Variants in PXDNL observed in about 807,000 individuals in gnomAD.
PXDNL encodes the protein peroxidasin like, also known as probable oxidoreductase PXDNL.
In PXDNL, 145 loss-of-function variants were observed where a neutral mutation model predicts 150.8. The ratio of observed to expected loss-of-function variants is 0.96; its 90% CI spans 0.84 to 1.10. The LOEUF (loss-of-function observed/expected upper bound fraction) is 1.10, where lower values mean the gene tolerates loss of function less well. PXDNL is among the 50% of genes least tolerant of loss of function. PXDNL has a pLI of 0.00. For synonymous variants in PXDNL, 757 were observed against 725.7 expected, an observed-to-expected ratio of 1.04 and a Z score of -0.69; for missense variants, 2,087 against 1,873.9, an observed-to-expected ratio of 1.11 and a Z score of -2.10.
intron 21 of PXDNL, among the ~76,000 whole-genome samples, chr8:51,322,111 G>A (rs1445831051): frequency 6.6e-6 from 1 of 152,140 alleles, no homozygotes; most frequent in Non-Finnish European, 1.5e-5. Flanking sequence ...CAAGGCGTGA[G>A]GCCTTGGAAG....
At chr8:51,578,474 A>C (rs2130619223) in intron 3 of PXDNL, among the ~76,000 whole-genome samples, 1 of 152,106 alleles carries the variant, frequency 6.6e-6, no homozygotes, top group East Asian at 1.9e-4. Context: ...TTAAAAAATT[A>C]AACAGATCTA....
chr8:51,680,681 G>A (rs1407831867), intron 1 of PXDNL, among the ~76,000 whole-genome samples: 3 of 152,138 alleles, frequency 2.0e-5, no homozygotes, highest in African/African-American at 7.2e-5. Context: ...AGTGACCATG[G>A]GTGCCCTGCA....
At chr8:51,645,463 A>T (rs1814897941) in intron 2 of PXDNL, among the ~76,000 whole-genome samples, 1 of 152,216 alleles carries the variant, frequency 6.6e-6, no homozygotes, top group African/African-American at 2.4e-5. Flanking sequence ...TTAGAGGATC[A>T]CACGGCTGCT....
intron 4 of PXDNL, among the ~76,000 whole-genome samples, chr8:51,527,978 G>T (rs1349680922): frequency 6.6e-6 from 1 of 152,098 alleles, no homozygotes; most frequent in Non-Finnish European, 1.5e-5. Context: ...ACCTCAATGT[G>T]CCCCAGTTTC....
intron 4 of PXDNL, among the ~76,000 whole-genome samples, chr8:51,501,381 C>G (rs970759964): frequency 6.6e-6 from 1 of 151,992 alleles, no homozygotes; most frequent in African/African-American, 2.4e-5. Context: ...CACTCTGACA[C>G]ACCTACATGA....
intron 1 of PXDNL, among the ~76,000 whole-genome samples, chr8:51,694,235 TGC>T (rs931253525): frequency 2.0e-5 from 3 of 152,086 alleles, no homozygotes; most frequent in Admixed American, 6.5e-5. Flanking sequence ...GTGGTGTGTG[TGC>T]TTGTAATCCC....
At chr8:51,377,007 G>A (rs1586049093) in intron 17 of PXDNL, among the ~76,000 whole-genome samples, 3 of 151,856 alleles carry the variant, frequency 2.0e-5, no homozygotes, top group Non-Finnish European at 4.4e-5. Flanking sequence ...GTGAGCCACC[G>A]CGCCCAGCCT....
chr8:51,660,537 G>A lies in PXDNL; in HGVS notation c.165-5777C>T, dbSNP rs73678938. On this transcript the variant is annotated intron_variant, in intron 1 of 22. Coordinates refer to ENST00000356297, the MANE Select transcript of PXDNL (RefSeq NM_144651.5). Reference sequence around the variant, plus strand: ...CGTCTTACCAGACTGATTTCTGTTTGCGTGTGGTACTTGTTTGTCTCAAAT... The same window carrying A: ...CGTCTTACCAGACTGATTTCTGTTTACGTGTGGTACTTGTTTGTCTCAAAT... Among the ~76,000 whole-genome samples the A allele has an allele frequency of 2.7e-3, 411 of 152,302 alleles. 2 individuals carry two copies. Among genetic ancestry groups the A allele is most frequent in the African/African-American group, 9.1e-3 (380 of 41,568 alleles).
chr8:51,795,508 A>T (rs1238242949), intron 1 of PXDNL, among the ~76,000 whole-genome samples: 1 of 152,228 alleles, frequency 6.6e-6, no homozygotes, highest in African/African-American at 2.4e-5. Flanking sequence ...AAAACCACAC[A>T]ACTACATGTA....
At chr8:51,565,226 G>A (rs1288385078) in intron 3 of PXDNL, among the ~76,000 whole-genome samples, 4 of 151,208 alleles carry the variant, frequency 2.6e-5, no homozygotes, top group African/African-American at 9.7e-5. Flanking sequence ...AGCTTATTCA[G>A]TGTCCCCAAA....
intron 3 of PXDNL, among the ~76,000 whole-genome samples, chr8:51,571,650 C>T (rs529073759): frequency 2.0e-5 from 3 of 151,924 alleles, no homozygotes; most frequent in Admixed American, 6.6e-5. Context: ...ATAATTTAAA[C>T]TTTGCTTTAA....
chr8:51,477,711 T>A (rs1810512173), intron 6 of PXDNL, among the ~76,000 whole-genome samples: 2 of 152,166 alleles, frequency 1.3e-5, no homozygotes, highest in African/African-American at 4.8e-5. Context: ...AGGATGTGAA[T>A]ACACATCCCC....
intron 3 of PXDNL, among the ~76,000 whole-genome samples, chr8:51,569,620 C>T (rs941957490): frequency 6.6e-6 from 1 of 151,890 alleles, no homozygotes; most frequent in Non-Finnish European, 1.5e-5. Flanking sequence ...GTAACATTAA[C>T]TTAAAATTTT....
chr8:51,603,860 T>C (rs1037512016), intron 2 of PXDNL, among the ~76,000 whole-genome samples: 16 of 152,296 alleles, frequency 1.1e-4, no homozygotes, highest in Non-Finnish European at 1.9e-4. Flanking sequence ...CAGGCAACTC[T>C]GTTGCTAAAT....
intron 8 of PXDNL, among the ~76,000 whole-genome samples, chr8:51,460,856 A>G (rs1397749276): frequency 6.6e-6 from 1 of 152,150 alleles, no homozygotes; most frequent in Non-Finnish European, 1.5e-5. Context: ...ATAGGTGCCC[A>G]TGCCCCAAGG....
At chr8:51,739,327 T>G (rs1436961081) in intron 1 of PXDNL, among the ~76,000 whole-genome samples, 1 of 152,024 alleles carries the variant, frequency 6.6e-6, no homozygotes, top group African/African-American at 2.4e-5. Flanking sequence ...TCTTCTAAGA[T>G]CAAGAACAAA....
chr8:51,386,963 C>G (rs1288360766), intron 17 of PXDNL, among the ~76,000 whole-genome samples: 1 of 152,128 alleles, frequency 6.6e-6, no homozygotes, highest in African/African-American at 2.4e-5. Context: ...ACTATTTTGG[C>G]TTGATGCTCT....
intron 2 of PXDNL, among the ~76,000 whole-genome samples, chr8:51,630,866 G>T (rs1297086013): frequency 6.6e-6 from 1 of 152,156 alleles, no homozygotes; most frequent in East Asian, 1.9e-4. Flanking sequence ...GGGGAAAGCA[G>T]TGTGGCTATT....
intron 19 of PXDNL, among the ~76,000 whole-genome samples, chr8:51,367,079 G>A (rs1458463752): frequency 7.0e-5 from 9 of 128,388 alleles, no homozygotes; most frequent in African/African-American, 1.9e-4. Flanking sequence ...CCAGCCTTGC[G>A]ACAGAGCAAG....
Sources: gnomAD v4.1 joint callset for allele counts (sites outside exome capture counted in the v4.1 genomes callset) on GRCh38, gnomAD v4.1.1 for gene constraint, MANE v1.5 for transcripts, NCBI Gene and HGNC (gene_info 2026-07-23, HGNC 2026-07-21) for gene names.